Variants in PCDHGA6 observed in about 807,000 individuals in gnomAD.
The protein encoded by PCDHGA6 is protocadherin gamma-A6.
In PCDHGA6, 41 loss-of-function variants were observed where a neutral mutation model predicts 60.6. That is an observed-to-expected ratio of 0.68 (90% confidence interval 0.53 to 0.88). The LOEUF (loss-of-function observed/expected upper bound fraction) is 0.88. Among genes scored for constraint, PCDHGA6 ranks in the 40% least tolerant of loss-of-function variants. PCDHGA6 has a pLI of 0.00. For missense variants in PCDHGA6, 1,312 were observed against 1,203.0 expected, an observed-to-expected ratio of 1.09 and a Z score of -1.34; for synonymous variants, 594 against 524.4, an observed-to-expected ratio of 1.13 and a Z score of -1.81.
chr5:141,419,259 C>A (rs765877993), intron 1 of PCDHGA6: 11 of 1,614,016 alleles, frequency 6.8e-6, no homozygotes, highest in Non-Finnish European at 9.3e-6. Flanking sequence ...AACAACCAGC[C>A]GGGTGCCTCC....
At chr5:141,410,532 A>G in intron 1 of PCDHGA6, 1 of 1,613,908 alleles carries the variant, frequency 6.2e-7, no homozygotes, top group Non-Finnish European at 8.5e-7. Context: ...CATTCCAATG[A>G]AGACATGGTT....
At chr5:141,405,231 C>T in intron 1 of PCDHGA6, 2 of 1,614,130 alleles carry the variant, frequency 1.2e-6, no homozygotes, top group Non-Finnish European at 1.7e-6. Flanking sequence ...TTCTCCCTCA[C>T]CGCTGACTCA....
intron 1 of PCDHGA6, among the ~76,000 whole-genome samples, chr5:141,466,776 C>T (rs2099129231): frequency 6.6e-6 from 1 of 152,104 alleles, no homozygotes; most frequent in African/African-American, 2.4e-5. Flanking sequence ...TTATCTTATT[C>T]TTCTTAGTGC....
intron 1 of PCDHGA6, among the ~76,000 whole-genome samples, chr5:141,430,247 G>T (rs1003479541): frequency 9.7e-6 from 1 of 102,928 alleles, no homozygotes; most frequent in Non-Finnish European, 1.8e-5. Flanking sequence ...AACTCCTAGG[G>T]AGACATCTCC....
In PCDHGA6 at chr5:141,421,687, G is replaced by C. The variant is rs763146085; in HGVS notation, c.2424+45180G>C. On this transcript the variant is annotated intron_variant, in intron 1 of 3. Coordinates refer to ENST00000517434, the MANE Select transcript of PCDHGA6 (RefSeq NM_018919.3). ...GCACGCAATTCCTGGGGCGCGATTT[G>C]CTCTTCCTAATGCTAGGGATCCAGA... 1.3e-5 allele frequency: 21 copies of C among 1,613,788 alleles called. No individual in the cohort carries two copies. Among genetic ancestry groups the C allele is most frequent in the Non-Finnish European group, 1.8e-5 (21 of 1,179,860 alleles).
intron 1 of PCDHGA6, among the ~76,000 whole-genome samples, chr5:141,396,932 T>C (rs2093455423): frequency 6.6e-6 from 1 of 152,230 alleles, no homozygotes; most frequent in Non-Finnish European, 1.5e-5. Flanking sequence ...CGGATGAAAG[T>C]TGCCCTGGTA....
intron 1 of PCDHGA6, 96 bp from the exon 2 acceptor site, chr5:141,494,711 A>G (rs757105958): frequency 6.3e-7 from 1 of 1,599,616 alleles, no homozygotes; most frequent in Non-Finnish European, 8.5e-7. Flanking sequence ...CTCTGTGCCC[A>G]CTCCCCTCCT....
At chr5:141,494,783 C>G (rs2099756910) in intron 1 of PCDHGA6, 24 bp from the exon 2 acceptor site, 2 of 1,613,964 alleles carry the variant, frequency 1.2e-6, no homozygotes, top group Admixed American at 3.3e-5. Context: ...GTACTCAGCC[C>G]CTTTCCCTCT....
In PCDHGA6 at chr5:141,375,764, G is replaced by A. The variant is rs746447899; in HGVS notation, c.1681G>A (p.Glu561Lys). 1.7e-5 allele frequency: 27 copies of A among 1,614,116 alleles called. No individual in the cohort carries two copies. The highest frequency in any genetic ancestry group is 2.0e-5 in the Non-Finnish European group (24 of 1,180,044). Reference protein sequence around the residue: ...FVLDQNDNAPEILYPALPTDG... With the variant: ...FVLDQNDNAPKILYPALPTDG... ...GCTGGACCAGAATGACAATGCGCCCGAGATCCTGTACCCCGCCCTCCCCAC... is the reference window on the plus strand; with the variant it reads ...GCTGGACCAGAATGACAATGCGCCCAAGATCCTGTACCCCGCCCTCCCCAC... The change falls in exon 1 of 4, where the codon GAG becomes AAG. Residue 561 changes from glutamate to lysine, a missense_variant. Glu to Lys is a moderately conservative substitution (Grantham distance 56, BLOSUM62 1). Transcript: ENST00000517434.
chr5:141,413,485 G>C lies in PCDHGA6; in HGVS notation c.2424+36978G>C, dbSNP rs184712199. ...CCGGGAGGAGCTCTGCGCTCAGAGC[G>C]CGCGGTGCGTGGTGAGTTTTAATAT... is the stretch of plus-strand genomic sequence containing the variant. On this transcript the variant is annotated intron_variant, in intron 1 of 3. Coordinates refer to ENST00000517434, the MANE Select transcript of PCDHGA6 (RefSeq NM_018919.3). 439 of 1,614,058 alleles carry C rather than the reference G, an allele frequency of 2.7e-4. 1 individual carries two copies. In the African/African-American group the frequency reaches 4.6e-3, roughly 17 times the overall value.
intron 1 of PCDHGA6, among the ~76,000 whole-genome samples, chr5:141,465,119 A>T (rs2099097382): frequency 6.6e-6 from 1 of 151,780 alleles, no homozygotes; most frequent in Non-Finnish European, 1.5e-5. Flanking sequence ...GTTTTAGCCT[A>T]AATTTGTAAA....
rs1265422100 is a variant in PCDHGA6 at position 141,490,199 on chromosome 5, C to A, written c.2425-4608C>A. On this transcript the variant is annotated intron_variant, in intron 1 of 3. Transcript: ENST00000517434. This position sits in a 1 kb window ranked among gnomAD's most constrained non-coding sequence, Gnocchi z 5.4. The stretch of plus-strand genomic sequence containing the variant: ...GAGTCACGTTTCTATGAAATTCATG[C>A]AAGAGCCCGTGACCAGGGACAGCCT... The A allele has an allele frequency of 1.9e-6, 3 of 1,614,184 alleles. No homozygotes were observed. The highest frequency in any genetic ancestry group is 2.5e-6 in the Non-Finnish European group (3 of 1,180,024).
intron 1 of PCDHGA6, chr5:141,409,169 G>A (rs371896881): frequency 3.5e-5 from 56 of 1,613,906 alleles, no homozygotes; most frequent in Non-Finnish European, 4.2e-5. Flanking sequence ...GGAAGCGAAG[G>A]ACGGAGGTGG....
At chr5:141,421,489 G>A in intron 1 of PCDHGA6, 1 of 1,614,094 alleles carries the variant, frequency 6.2e-7, no homozygotes, top group Non-Finnish European at 8.5e-7. Flanking sequence ...CTTGATCACG[G>A]CAGGCAGGAT....
rs748828282 is a variant in PCDHGA6 at position 141,491,412 on chromosome 5, C to T, written c.2425-3395C>T. The T allele has an allele frequency of 3.1e-6, 5 of 1,613,944 alleles. No homozygotes were observed. The African/African-American group carries it at 5.3e-5, about 17-fold the overall frequency. Reference sequence around the variant, plus strand: ...GCCTTCAGGGAAACGCAGACGGGGACGGGGGTGGAGGGCAGTGCTGCAGGC... The same window carrying T: ...GCCTTCAGGGAAACGCAGACGGGGATGGGGGTGGAGGGCAGTGCTGCAGGC... On this transcript the variant is annotated intron_variant, in intron 1 of 3. Coordinates refer to ENST00000517434, the MANE Select transcript of PCDHGA6 (RefSeq NM_018919.3). The surrounding 1 kb of genome is among the most constrained non-coding windows in gnomAD (Gnocchi z 6.9).
At chr5:141,456,259 C>T (rs1456888951) in intron 1 of PCDHGA6, among the ~76,000 whole-genome samples, 1 of 152,122 alleles carries the variant, frequency 6.6e-6, no homozygotes, top group Non-Finnish European at 1.5e-5. Flanking sequence ...GCGACCATTG[C>T]TTCTGGCTAC....
intron 1 of PCDHGA6, among the ~76,000 whole-genome samples, chr5:141,482,079 C>A (rs2099551704): frequency 8.4e-6 from 1 of 119,308 alleles, no homozygotes; most frequent in African/African-American, 3.8e-5. Context: ...GAACAAAACT[C>A]ACTCCATCTC....
At position 141,432,640 on chromosome 5, in the gene PCDHGA6, C is replaced by T. The variant is rs2097523683; in HGVS notation, c.2424+56133C>T. On this transcript the variant is annotated intron_variant, in intron 1 of 3. Transcript: ENST00000517434. This position sits in a 1 kb window ranked among gnomAD's most constrained non-coding sequence, Gnocchi z 6.0. ...TGGGTCTGCACACGGGCGAGGTGCG[C>T]ACGGCGCGAGCCCTGCTGGACAGAG... 1.9e-6 allele frequency: 3 copies of T among 1,613,814 alleles called. No individual in the cohort carries two copies. The highest frequency in any genetic ancestry group is 2.5e-6 in the Non-Finnish European group (3 of 1,179,932).
In PCDHGA6 at chr5:141,385,248, G is replaced by T; in HGVS notation, c.2424+8741G>T. 6.2e-7 allele frequency: 1 copy of T among 1,613,854 alleles called. No individual in the cohort carries two copies. The highest frequency in any genetic ancestry group is 8.5e-7 in the Non-Finnish European group (1 of 1,179,720). The stretch of plus-strand genomic sequence containing the variant: ...ATGTAGACATGCTCATCAGCCAGGA[G>T]AGCTGTGAGAAAAATGATTCTTTGC... On this transcript the variant is annotated intron_variant, in intron 1 of 3. Coordinates refer to ENST00000517434, the MANE Select transcript of PCDHGA6 (RefSeq NM_018919.3).
Sources: allele counts gnomAD v4.1 joint callset (sites outside exome capture counted in the v4.1 genomes callset), GRCh38; gene constraint gnomAD v4.1.1; non-coding constraint Gnocchi (gnomAD v3.1); transcripts MANE v1.5; gene names NCBI Gene and HGNC (gene_info 2026-07-23, HGNC 2026-07-21).